Variants in THSD4 observed in about 807,000 individuals in gnomAD.
THSD4 encodes thrombospondin type-1 domain-containing protein 4.
Under a neutral mutation model 119.0 loss-of-function variants are expected in THSD4, and 69 were observed. That is an observed-to-expected ratio of 0.58 (90% CI 0.48 to 0.71). The LOEUF (loss-of-function observed/expected upper bound fraction) is 0.71. Among genes scored for constraint, THSD4 ranks in the 30% least tolerant of loss-of-function variants. THSD4 has a pLI of 0.00. For missense variants in THSD4, 1,393 were observed against 1,391.1 expected (o/e 1.00, Z -0.02); for synonymous variants, 524 against 540.4 (o/e 0.97, Z 0.42).
chr15:71,221,044 G>A (rs891776732), intron 4 of THSD4, among the ~76,000 whole-genome samples: 2 of 152,172 alleles, frequency 1.3e-5, no homozygotes, highest in Non-Finnish European at 1.5e-5. Flanking sequence ...CCCCGTGATG[G>A]CTAAAGGGGA....
chr15:71,302,020 C>G (rs2044956695), intron 6 of THSD4, among the ~76,000 whole-genome samples: 1 of 152,206 alleles, frequency 6.6e-6, no homozygotes, highest in African/African-American at 2.4e-5. Flanking sequence ...CAGACTAGGT[C>G]TGCCTGTGGG....
intron 7 of THSD4, among the ~76,000 whole-genome samples, chr15:71,518,443 A>T (rs2048392203): frequency 1.3e-5 from 2 of 152,186 alleles, no homozygotes; most frequent in Admixed American, 1.3e-4. Flanking sequence ...TGATAGAGAC[A>T]TCCTCTGACT....
intron 7 of THSD4, among the ~76,000 whole-genome samples, chr15:71,452,305 A>T (rs2047275992): frequency 6.6e-6 from 1 of 152,098 alleles, no homozygotes; most frequent in African/African-American, 2.4e-5. Flanking sequence ...AGGAGGACCC[A>T]AGTCCCTGTG....
At chr15:71,439,823 T>C (rs1388490337) in intron 7 of THSD4, among the ~76,000 whole-genome samples, 1 of 151,860 alleles carries the variant, frequency 6.6e-6, no homozygotes, top group East Asian at 1.9e-4. Flanking sequence ...TGAGAACACA[T>C]GGACACAGGA....
intron 3 of THSD4, chr15:71,164,875 G>A (rs994185334): frequency 1.9e-6 from 3 of 1,559,082 alleles, no homozygotes; most frequent in East Asian, 2.3e-5. Flanking sequence ...TCTTTTTCTT[G>A]CTTTTTTCAG....
At chr15:71,235,004 A>G (rs1332026297) in intron 4 of THSD4, among the ~76,000 whole-genome samples, 1 of 152,190 alleles carries the variant, frequency 6.6e-6, no homozygotes, top group South Asian at 2.1e-4. Context: ...TCTACCACCT[A>G]GTGTTGTTTT....
intron 6 of THSD4, among the ~76,000 whole-genome samples, chr15:71,386,600 G>A (rs1444630413): frequency 6.6e-6 from 1 of 152,172 alleles, no homozygotes; most frequent in Non-Finnish European, 1.5e-5. Context: ...AACATTATCT[G>A]CCTTTAATGC....
intron 6 of THSD4, among the ~76,000 whole-genome samples, chr15:71,338,277 G>T (rs953871257): frequency 2.3e-5 from 3 of 131,578 alleles, no homozygotes; most frequent in South Asian, 5.0e-4. Flanking sequence ...CCCACCCCCC[G>T]CCCCACTCTG....
At chr15:71,678,680 A>G (rs1453274691) in intron 8 of THSD4, among the ~76,000 whole-genome samples, 2 of 152,168 alleles carry the variant, frequency 1.3e-5, no homozygotes, top group African/African-American at 4.8e-5. Context: ...TGGCTGTTTT[A>G]GCATCAACAG....
At chr15:71,598,620 GT>G (rs1323373277) in intron 7 of THSD4, among the ~76,000 whole-genome samples, 3 of 151,936 alleles carry the variant, frequency 2.0e-5, no homozygotes, top group Non-Finnish European at 4.4e-5. Context: ...TTTTTTGTTT[GT>G]TTGTTTTGTT....
chr15:71,196,784 A>G (rs2043723297), intron 3 of THSD4, among the ~76,000 whole-genome samples: 1 of 152,086 alleles, frequency 6.6e-6, no homozygotes, highest in South Asian at 2.1e-4. Context: ...TTAGGGGGAG[A>G]TTCTGGAGGA....
intron 6 of THSD4, among the ~76,000 whole-genome samples, chr15:71,356,801 G>A (rs1303605402): frequency 1.3e-5 from 2 of 152,176 alleles, no homozygotes; most frequent in Middle Eastern, 3.4e-3. Context: ...ACCTGGATCT[G>A]CTGTCTTCTC....
intron 6 of THSD4, among the ~76,000 whole-genome samples, chr15:71,260,992 C>T (rs1198957908): frequency 2.0e-5 from 3 of 152,168 alleles, no homozygotes; most frequent in East Asian, 3.8e-4. Context: ...ATCCCAGCTA[C>T]GCAGGAGGCT....
chr15:71,312,989 A>G (rs2045133095), intron 6 of THSD4, among the ~76,000 whole-genome samples: 2 of 152,184 alleles, frequency 1.3e-5, no homozygotes, highest in African/African-American at 4.8e-5. Context: ...TGTCTTGTTC[A>G]CTGCCACGTC....
At chr15:71,129,260 G>A (rs2141359956) in intron 1 of THSD4, among the ~76,000 whole-genome samples, 1 of 152,334 alleles carries the variant, frequency 6.6e-6, no homozygotes, top group Non-Finnish European at 1.5e-5. Context: ...GTCTTGAGGT[G>A]TTGAGTTTTT....
intron 5 of THSD4, among the ~76,000 whole-genome samples, chr15:71,246,237 A>G (rs560669369): frequency 2.0e-5 from 3 of 152,186 alleles, no homozygotes; most frequent in Non-Finnish European, 4.4e-5. Context: ...GCAGTGACAC[A>G]TGGAAGGCAT....
At chr15:71,295,656 C>T (rs992114543) in intron 6 of THSD4, among the ~76,000 whole-genome samples, 3 of 151,778 alleles carry the variant, frequency 2.0e-5, no homozygotes, top group Non-Finnish European at 2.9e-5. Context: ...TCTGCTGGAA[C>T]GTCAGAATCA....
chr15:71,652,667 G>A (rs572913426), intron 7 of THSD4, among the ~76,000 whole-genome samples: 4 of 152,160 alleles, frequency 2.6e-5, no homozygotes, highest in African/African-American at 9.7e-5. Context: ...CATAGCTGCA[G>A]TTGATTCTTA....
At chr15:71,582,423 GCAAA>G (rs1260827402) in intron 7 of THSD4, among the ~76,000 whole-genome samples, 1 of 152,028 alleles carries the variant, frequency 6.6e-6, no homozygotes, top group Non-Finnish European at 1.5e-5. Flanking sequence ...CATGTCATCT[GCAAA>G]CAGAGACAGT....
Sources: allele counts gnomAD v4.1 joint callset (sites outside exome capture counted in the v4.1 genomes callset), GRCh38; gene constraint gnomAD v4.1.1; transcripts MANE v1.5; gene names NCBI Gene and HGNC (gene_info 2026-07-23, HGNC 2026-07-21).